The following ARID1B variants were observed in gnomAD, a reference collection of about 807,000 sequenced individuals.
ARID1B encodes AT-rich interactive domain-containing protein 1B.
In ARID1B, 30 loss-of-function variants were observed where a neutral mutation model predicts 212.3. The observed-to-expected ratio is 0.14, with a 90% CI of 0.11 to 0.19. ARID1B has a LOEUF of 0.19. Ranked by LOEUF, ARID1B falls within the 10% of genes least tolerant of loss-of-function variation. The pLI is 1.00. For missense variants in ARID1B, 2,891 were observed against 3,204.0 expected (o/e 0.90, Z 2.36); for synonymous variants, 1,402 against 1,301.7 (o/e 1.08, Z -1.66).
chr6:157,117,084 T>C (rs1787370939), intron 6 of ARID1B, among the ~76,000 whole-genome samples: 1 of 152,192 alleles, frequency 6.6e-6, no homozygotes. Flanking sequence ...CACAGAGGAA[T>C]ATTTATCAGT....
chr6:156,903,414 A>G (rs1044715217), intron 3 of ARID1B, among the ~76,000 whole-genome samples: 1 of 152,170 alleles, frequency 6.6e-6, no homozygotes, highest in Non-Finnish European at 1.5e-5. Flanking sequence ...AATACATTGG[A>G]AATTTTTTCT....
intron 1 of ARID1B, among the ~76,000 whole-genome samples, chr6:156,810,698 T>C (rs780161617): frequency 5.3e-5 from 8 of 152,148 alleles, no homozygotes; most frequent in Admixed American, 1.3e-4. Flanking sequence ...AGATGAGGAA[T>C]CAGCCCCCAA....
intron 4 of ARID1B, chr6:156,937,058 TTC>T (rs1491415964): frequency 4.7e-5 from 7 of 148,170 alleles, no homozygotes; most frequent in African/African-American, 1.8e-4. Context: ...TGTGGTGTTT[TTC>T]CCCCCCCCTT....
chr6:156,910,308 C>T (rs1475190328), intron 3 of ARID1B, among the ~76,000 whole-genome samples: 4 of 152,154 alleles, frequency 2.6e-5, no homozygotes, highest in Non-Finnish European at 4.4e-5. Flanking sequence ...TTAAAGGAGC[C>T]ACTTATTCCT....
At chr6:156,800,265 A>G (rs1440987757) in intron 1 of ARID1B, among the ~76,000 whole-genome samples, 3 of 152,232 alleles carry the variant, frequency 2.0e-5, no homozygotes, top group Non-Finnish European at 4.4e-5. Context: ...TATGGCAGCC[A>G]TCAGCTTTGT....
Position 157,208,411 on chromosome 6 carries a change from A to AG in ARID1B, c.*524dup. On this transcript the variant is annotated 3_prime_UTR_variant, in exon 20 of 20. Transcript: ENST00000636930. ...TAGAAATTTCTACAGATACAGGTAT[A>AG]GGGGCTCAAGGAGGTATGTCGGTCA... 4.3e-6 allele frequency: 1 copy of AG among 233,550 alleles called. No individual in the cohort carries two copies. Among genetic ancestry groups the AG allele is most frequent in the Non-Finnish European group, 8.5e-6 (1 of 117,956 alleles). 14.5% of individuals were successfully genotyped at this position (233,550 alleles called of 1,614,324 possible).
intron 4 of ARID1B, chr6:156,976,247 C>T (rs115531465): frequency 0.017 from 2,595 of 155,962 alleles, 71 homozygotes; most frequent in African/African-American, 0.06. Flanking sequence ...GGGGATATGA[C>T]GGCTTAACTT....
At position 157,149,074 on chromosome 6, in the gene ARID1B, G is replaced by C. The variant is rs1790013184; in HGVS notation, c.3089+123G>C. 6.8e-6 allele frequency: 7 copies of C among 1,030,848 alleles called. No homozygotes were observed. The Admixed American group carries it at 1.8e-4, about 27-fold the overall frequency. 63.9% of individuals were successfully genotyped at this position (1,030,848 alleles called of 1,614,324 possible). ...AGAGCAGTAGAATGTCACTGTGCTTGGCCGTTCTTTTTGTGTTAAATATAT... is the reference window on the plus strand; with the variant it reads ...AGAGCAGTAGAATGTCACTGTGCTTCGCCGTTCTTTTTGTGTTAAATATAT... On this transcript the variant is annotated intron_variant, in intron 8 of 19. Transcript: ENST00000636930.
Position 156,892,626 on chromosome 6 carries a change from C to G in ARID1B, c.1987-8750C>G, listed in dbSNP as rs377503837. ...TTGACAATTACATACGTCTAGGATACCACTATCCTAATTAGACTATTTCCG... is the reference window on the plus strand; with the variant it reads ...TTGACAATTACATACGTCTAGGATAGCACTATCCTAATTAGACTATTTCCG... On this transcript the variant is annotated intron_variant, in intron 2 of 19. Coordinates refer to ENST00000636930, the MANE Select transcript of ARID1B (RefSeq NM_001374828.1). Among the ~76,000 whole-genome samples, 4 of 152,236 alleles carry G rather than the reference C, an allele frequency of 2.6e-5. No individual in the cohort carries two copies. In the East Asian group the frequency reaches 5.8e-4, roughly 22 times the overall value.
In ARID1B at chr6:157,174,718, TTATA is replaced by T. The variant is rs1214659659; in HGVS notation, c.3346-110_3346-107del. The T allele has an allele frequency of 1.3e-3, 322 of 249,668 alleles. 3 individuals carry two copies. The highest frequency in any genetic ancestry group is 1.6e-3 in the Non-Finnish European group (220 of 140,144). 15.5% of individuals were successfully genotyped at this position (249,668 alleles called of 1,614,324 possible). On this transcript the variant is annotated intron_variant, in intron 10 of 19. Coordinates refer to ENST00000636930, the MANE Select transcript of ARID1B (RefSeq NM_001374828.1). The stretch of plus-strand genomic sequence containing the variant: ...TTTGTGTGTTTGTTTGTACATGTCT[TTATA>T]TATATATATATATATATAATATATA...
At chr6:156,788,530 T>C (rs1779798112) in intron 1 of ARID1B, among the ~76,000 whole-genome samples, 1 of 152,198 alleles carries the variant, frequency 6.6e-6, no homozygotes, top group Admixed American at 6.5e-5. Flanking sequence ...TGACTGGCTT[T>C]TTAGGAGAAT....
intron 1 of ARID1B, among the ~76,000 whole-genome samples, chr6:156,790,584 A>T (rs1173686541): frequency 6.6e-6 from 1 of 152,198 alleles, no homozygotes; most frequent in Non-Finnish European, 1.5e-5. Flanking sequence ...ACAAGTATTT[A>T]TTATTGTTGA....
In ARID1B at chr6:157,019,517, C is replaced by T. The variant is rs1372379219; in HGVS notation, c.2248-65145C>T. On this transcript the variant is annotated intron_variant, in intron 4 of 19. Transcript: ENST00000636930. ...TAGTTCTGTTTAGTGTTACCTGAGT[C>T]CATGTTTCACTTCCTATTTCTCTCT... is the stretch of plus-strand genomic sequence containing the variant. Among the ~76,000 whole-genome samples the T allele has an allele frequency of 2.6e-5, 4 of 152,168 alleles. 1 individual carries two copies. The highest frequency in any genetic ancestry group is 6.5e-5 in the Admixed American group (1 of 15,286).
At chr6:157,031,980 A>G (rs1781042854) in intron 4 of ARID1B, among the ~76,000 whole-genome samples, 1 of 152,134 alleles carries the variant, frequency 6.6e-6, no homozygotes, top group Non-Finnish European at 1.5e-5. Flanking sequence ...TGTCTTTAGT[A>G]GAGACAGGGT....
chr6:156,911,829 T>C (rs912158592), intron 3 of ARID1B, among the ~76,000 whole-genome samples: 3 of 151,962 alleles, frequency 2.0e-5, no homozygotes, highest in African/African-American at 7.3e-5. Context: ...GATGAACAGC[T>C]CAAAACCACG....
chr6:157,075,828 A>G (rs1784270630), intron 4 of ARID1B, among the ~76,000 whole-genome samples: 1 of 152,236 alleles, frequency 6.6e-6, no homozygotes, highest in Non-Finnish European at 1.5e-5. Flanking sequence ...TTTACAAAAT[A>G]CCTGACAAGT....
At chr6:157,192,321 A>AG (rs1793436930) in intron 15 of ARID1B, among the ~76,000 whole-genome samples, 1 of 152,140 alleles carries the variant, frequency 6.6e-6, no homozygotes, top group Non-Finnish European at 1.5e-5. Context: ...TATCCCACCG[A>AG]TACACCACAT....
rs141322056 is a variant in ARID1B at position 157,196,593 on chromosome 6, C to T, written c.4382+278C>T. 7.8e-3 allele frequency among the ~76,000 whole-genome samples: 1,187 copies of T among 152,224 alleles called. 34 individuals carry two copies. The highest frequency in any genetic ancestry group is 6.0e-3 in the Non-Finnish European group (409 of 67,994). ...GGCCGCCACAAGTCACGCTGGCACC[C>T]GGCACCAGCACCCAGCTTCCTTCTG... On this transcript the variant is annotated intron_variant, in intron 16 of 19. Coordinates refer to ENST00000636930, the MANE Select transcript of ARID1B (RefSeq NM_001374828.1).
At chr6:157,044,035 C>T (rs918672570) in intron 4 of ARID1B, among the ~76,000 whole-genome samples, 1 of 152,164 alleles carries the variant, frequency 6.6e-6, no homozygotes, top group African/African-American at 2.4e-5. Context: ...ACGGATCTTA[C>T]ATTCTGGACA....
Sources: gnomAD v4.1 joint callset for allele counts (sites outside exome capture counted in the v4.1 genomes callset) on GRCh38, gnomAD v4.1.1 for gene constraint, MANE v1.5 for transcripts, NCBI Gene and HGNC (gene_info 2026-07-23, HGNC 2026-07-21) for gene names.